The following GPHN variants were observed in gnomAD, a reference collection of about 807,000 sequenced individuals.
GPHN encodes gephyrin.
A neutral mutation model predicts 95.5 loss-of-function variants in GPHN; 17 were observed. The ratio of observed to expected loss-of-function variants is 0.18; its 90% CI spans 0.12 to 0.27. The LOEUF (loss-of-function observed/expected upper bound fraction) is 0.27, where lower values mean the gene tolerates loss of function less well. Ranked by LOEUF, GPHN falls within the 10% of genes least tolerant of loss-of-function variation. The pLI is 1.00. For synonymous variants in GPHN, 320 were observed against 322.5 expected (o/e 0.99, Z 0.08); for missense variants, 660 against 978.1 (o/e 0.67, Z 4.34).
the GPHN span, among the ~76,000 whole-genome samples, chr14:67,332,177 A>G: frequency 2.0e-5 from 3 of 152,296 alleles, no homozygotes; most frequent in South Asian, 6.2e-4. Flanking sequence ...GTGCCTGATA[A>G]TTAGAGGGTT....
chr14:66,951,593 CA>C (rs1167612657), intron 8 of GPHN, among the ~76,000 whole-genome samples: 4 of 149,592 alleles, frequency 2.7e-5, no homozygotes, highest in Non-Finnish European at 4.4e-5. Flanking sequence ...TTGCAAAGGG[CA>C]AAAAAACAAC....
chr14:66,570,917 T>A (rs913239246), intron 1 of GPHN, among the ~76,000 whole-genome samples: 9 of 152,206 alleles, frequency 5.9e-5, no homozygotes, highest in African/African-American at 2.2e-4. Flanking sequence ...TGTCCTTTTT[T>A]GAGAAATGTC....
At chr14:67,463,190 G>A in the GPHN span, among the ~76,000 whole-genome samples, 2 of 152,164 alleles carry the variant, frequency 1.3e-5, no homozygotes, top group African/African-American at 4.8e-5. Context: ...AGGCCGAGGT[G>A]GGAGGATCAC....
chr14:67,355,100 C>T, the GPHN span, among the ~76,000 whole-genome samples: 2 of 152,172 alleles, frequency 1.3e-5, no homozygotes, highest in Admixed American at 6.5e-5. Context: ...GCATGAGCCA[C>T]CGCACCTGGC....
chr14:66,842,808 C>A, intron 4 of GPHN: 1 of 870,792 alleles, frequency 1.1e-6, no homozygotes, highest in South Asian at 1.5e-5. Context: ...ATGCTTGGAT[C>A]CATTTTTCAC....
At chr14:66,566,144 CTAT>C (rs2060454486) in intron 1 of GPHN, among the ~76,000 whole-genome samples, 1 of 151,980 alleles carries the variant, frequency 6.6e-6, no homozygotes, top group Non-Finnish European at 1.5e-5. Context: ...CATCTCCCTA[CTAT>C]TACCTTTTAT....
chr14:66,608,555 C>T (rs1308500821), intron 1 of GPHN, among the ~76,000 whole-genome samples: 1 of 152,176 alleles, frequency 6.6e-6, no homozygotes, highest in South Asian at 2.1e-4. Flanking sequence ...TTTTCTTCCT[C>T]AGTGATCTGT....
chr14:66,588,642 T>G (rs2061517538), intron 1 of GPHN, among the ~76,000 whole-genome samples: 1 of 151,858 alleles, frequency 6.6e-6, no homozygotes, highest in Non-Finnish European at 1.5e-5. Flanking sequence ...TATCAGAGAT[T>G]GAAGATCAAC....
intron 4 of GPHN, among the ~76,000 whole-genome samples, chr14:66,874,366 C>T (rs1235602968): frequency 6.6e-6 from 1 of 152,184 alleles, no homozygotes; most frequent in African/African-American, 2.4e-5. Flanking sequence ...AGGATCACAA[C>T]TCCTCGCCAG....
At chr14:67,571,737 G>C in the GPHN span, 2 of 1,606,174 alleles carry the variant, frequency 1.2e-6, no homozygotes, top group Non-Finnish European at 1.7e-6. Flanking sequence ...AGTGAGGGAG[G>C]GGCCTGTCTT....
chr14:66,621,881 G>A (rs2063321372), intron 1 of GPHN, among the ~76,000 whole-genome samples: 1 of 152,138 alleles, frequency 6.6e-6, no homozygotes, highest in Non-Finnish European at 1.5e-5. Context: ...TTGGCTAGTA[G>A]TGACTGTCTG....
In GPHN at chr14:66,903,388, CTACAGTTGTTACAGT is replaced by C. The variant is rs1282927736; in HGVS notation, c.390-12589_390-12575del. Among the ~76,000 whole-genome samples, 37 of 152,110 alleles carry C rather than the reference CTACAGTTGTTACAGT, an allele frequency of 2.4e-4. 1 individual carries two copies. The highest frequency in any genetic ancestry group is 3.4e-3 in the Middle Eastern group (1 of 294). On this transcript the variant is annotated intron_variant, in intron 5 of 22. Coordinates refer to ENST00000478722, the MANE Select transcript of GPHN (RefSeq NM_020806.5). ...TTTTTACAGTTGTTTACAGTTATGGCTACAGTTGTTACAGTTACAGTTGTTACAGTTACAGTTGTT... is the reference window on the plus strand; with the variant it reads ...TTTTTACAGTTGTTTACAGTTATGGCTACAGTTGTTACAGTTACAGTTGTT...
intron 1 of GPHN, among the ~76,000 whole-genome samples, chr14:66,521,978 T>C (rs1247027651): frequency 6.6e-6 from 1 of 152,148 alleles, no homozygotes; most frequent in Non-Finnish European, 1.5e-5. Flanking sequence ...ATGTAGTTCA[T>C]TATATCAGTC....
the GPHN span, chr14:67,695,483 C>A: frequency 1.4e-6 from 1 of 706,988 alleles, no homozygotes. Flanking sequence ...GACAGCTGGA[C>A]CTCGCCTCCA....
the GPHN span, chr14:67,392,810 G>A: frequency 2.2e-5 from 36 of 1,613,478 alleles, no homozygotes; most frequent in South Asian, 1.2e-4. Context: ...ACGGCTGGCC[G>A]TGAAGCTGTT....
At chr14:67,200,187 T>C in the GPHN span, 14 of 1,148,512 alleles carry the variant, frequency 1.2e-5, no homozygotes, top group East Asian at 3.4e-4. Flanking sequence ...TGCGTGGACT[T>C]CCTCCACTGA....
At chr14:66,888,163 G>A (rs1462273196) in intron 5 of GPHN, among the ~76,000 whole-genome samples, 1 of 152,066 alleles carries the variant, frequency 6.6e-6, no homozygotes, top group Non-Finnish European at 1.5e-5. Flanking sequence ...ATACCCAAAA[G>A]AGAAGAACGA....
the GPHN span, among the ~76,000 whole-genome samples, chr14:67,536,138 G>T: frequency 1.3e-5 from 2 of 148,872 alleles, no homozygotes; most frequent in African/African-American, 5.2e-5. Context: ...ACTTCTTTTG[G>T]TATTGAGGTT....
At chr14:66,723,384 AT>A (rs1212863165) in intron 2 of GPHN, among the ~76,000 whole-genome samples, 1 of 136,890 alleles carries the variant, frequency 7.3e-6, no homozygotes, top group East Asian at 2.2e-4. Context: ...TATAAATATT[AT>A]TTATGAAAGT....
Sources: gnomAD v4.1 joint callset for allele counts (sites outside exome capture counted in the v4.1 genomes callset) on GRCh38, gnomAD v4.1.1 for gene constraint, MANE v1.5 for transcripts, NCBI Gene and HGNC (gene_info 2026-07-23, HGNC 2026-07-21) for gene names.